XYLT1: variants seen among roughly 807,000 people sequenced by gnomAD.
XYLT1 encodes xylosyltransferase 1.
XYLT1 carries 36 observed loss-of-function variants against 91.3 expected under a neutral mutation model. The ratio of observed to expected loss-of-function variants is 0.39; its 90% CI spans 0.30 to 0.52. The LOEUF is 0.52. Ranked by LOEUF, XYLT1 falls within the 20% of genes least tolerant of loss-of-function variation. XYLT1 has a pLI of 0.68. For missense variants in XYLT1, 1,242 were observed against 1,284.5 expected (o/e 0.97, Z 0.51); for synonymous variants, 588 against 532.0 (o/e 1.11, Z -1.45).
chr16:17,275,261 G>C (rs951652646), intron 2 of XYLT1, among the ~76,000 whole-genome samples: 2 of 152,194 alleles, frequency 1.3e-5, no homozygotes, highest in African/African-American at 4.8e-5. Context: ...TTTCACAGGT[G>C]AAAGTATGGA....
At chr16:17,143,141 G>A (rs1241479235) in intron 6 of XYLT1, among the ~76,000 whole-genome samples, 1 of 152,178 alleles carries the variant, frequency 6.6e-6, no homozygotes, top group Non-Finnish European at 1.5e-5. Flanking sequence ...TGTTGGGAGG[G>A]TGGACAGAGC....
rs114150066 is a variant in XYLT1 at position 17,142,113 on chromosome 16, C to A, written c.1371-744G>T. ...GTAGAGATGGGATCTTACTATGTTGCCTAGACTGGTCTTGAACTTCTGGCT... is the reference window on the plus strand; with the variant it reads ...GTAGAGATGGGATCTTACTATGTTGACTAGACTGGTCTTGAACTTCTGGCT... On this transcript the variant is annotated intron_variant, in intron 6 of 11. Coordinates refer to ENST00000261381, the MANE Select transcript of XYLT1 (RefSeq NM_022166.4). Among the ~76,000 whole-genome samples the A allele has an allele frequency of 1.4e-3, 207 of 152,202 alleles. 1 individual carries two copies. The highest frequency in any genetic ancestry group is 4.8e-3 in the African/African-American group (199 of 41,520).
intron 5 of XYLT1, among the ~76,000 whole-genome samples, chr16:17,161,831 T>C (rs1468297790): frequency 6.6e-6 from 1 of 152,120 alleles, no homozygotes; most frequent in South Asian, 2.1e-4. Context: ...AGAAATCATG[T>C]CTCTTGGTCT....
At chr16:17,369,913 T>A (rs1327229563) in intron 1 of XYLT1, among the ~76,000 whole-genome samples, 1 of 152,154 alleles carries the variant, frequency 6.6e-6, no homozygotes, top group East Asian at 1.9e-4. Flanking sequence ...ACAACAGAGT[T>A]GGCCCGAGGA....
chr16:17,470,725 C>G lies in XYLT1; in HGVS notation c.72G>C (p.Val24=), dbSNP rs753722258. Residue 24 remains valine, a synonymous_variant, in exon 1 of 12, where the codon GTG becomes GTC. Coordinates refer to ENST00000261381, the MANE Select transcript of XYLT1 (RefSeq NM_022166.4). ...SHSALLAALT[V]LLLQTLVVWN... is the part of the protein sequence containing the mutation. ...ACACGACCAGCGTCTGCAGCAGCAG[C>G]ACCGTGAGCGCCGCGAGCAGCGCCG... 7.0e-6 allele frequency: 8 copies of G among 1,150,970 alleles called. No homozygotes were observed. The East Asian group carries it at 5.6e-4, about 81-fold the overall frequency. 71.3% of individuals were successfully genotyped at this position (1,150,970 alleles called of 1,614,324 possible).
chr16:17,147,372 C>T (rs1433937897), intron 6 of XYLT1, among the ~76,000 whole-genome samples: 1 of 152,172 alleles, frequency 6.6e-6, no homozygotes, highest in Non-Finnish European at 1.5e-5. Context: ...AGAAGAAATA[C>T]AGGTGAGAGG....
intron 1 of XYLT1, among the ~76,000 whole-genome samples, chr16:17,361,866 A>C (rs2035386238): frequency 6.6e-6 from 1 of 152,244 alleles, no homozygotes; most frequent in African/African-American, 2.4e-5. Context: ...GAATACTAGC[A>C]ATAAATGACA....
intron 3 of XYLT1, among the ~76,000 whole-genome samples, chr16:17,223,898 T>C (rs1356622507): frequency 3.3e-5 from 5 of 152,224 alleles, no homozygotes; most frequent in Non-Finnish European, 4.4e-5. Context: ...GTTATCTGAT[T>C]AGACAGTTTG....
chr16:17,250,073 G>A (rs562976294), intron 3 of XYLT1: 18 of 152,352 alleles, frequency 1.2e-4, no homozygotes, highest in Non-Finnish European at 2.2e-4. Context: ...ACATTAGATT[G>A]CAGATGTGGC....
intron 1 of XYLT1, among the ~76,000 whole-genome samples, chr16:17,425,302 A>T (rs1185368988): frequency 6.6e-6 from 1 of 152,070 alleles, no homozygotes; most frequent in African/African-American, 2.4e-5. Context: ...TGGCATTTAG[A>T]TGCATTGTAG....
intron 10 of XYLT1, among the ~76,000 whole-genome samples, chr16:17,120,183 C>G (rs1348996012): frequency 2.0e-5 from 3 of 152,206 alleles, no homozygotes; most frequent in Admixed American, 6.5e-5. Flanking sequence ...TAAAAGGATA[C>G]TATTTATTGA....
At chr16:17,353,877 G>A (rs928021552) in intron 2 of XYLT1, among the ~76,000 whole-genome samples, 21 of 152,214 alleles carry the variant, frequency 1.4e-4, no homozygotes, top group African/African-American at 5.1e-4. Flanking sequence ...ATGCAACCCT[G>A]AGTCTAATGT....
At chr16:17,436,563 A>G (rs1352029508) in intron 1 of XYLT1, among the ~76,000 whole-genome samples, 1 of 152,254 alleles carries the variant, frequency 6.6e-6, no homozygotes, top group African/African-American at 2.4e-5. Flanking sequence ...AATCACATTC[A>G]GCTTTTAAGC....
At chr16:17,330,104 T>TACACACACACACAC (rs35148093) in intron 2 of XYLT1, among the ~76,000 whole-genome samples, 13,100 of 144,384 alleles carry the variant, frequency 0.091, 827 homozygotes, top group Admixed American at 0.18. Context: ...TGGAGGTAGA[T>TACACACACACACAC]ACACACACAC....
chr16:17,299,470 T>C (rs1567362921), intron 2 of XYLT1, among the ~76,000 whole-genome samples: 2 of 152,228 alleles, frequency 1.3e-5, no homozygotes, highest in African/African-American at 4.8e-5. Flanking sequence ...CCAAACACCA[T>C]TGAGTTTAAT....
chr16:17,187,816 A>G (rs2032219768), intron 5 of XYLT1, among the ~76,000 whole-genome samples: 1 of 151,950 alleles, frequency 6.6e-6, no homozygotes, highest in Non-Finnish European at 1.5e-5. Context: ...AAAGACAAAG[A>G]GGGGTCTCCA....
At chr16:17,194,753 G>A (rs2032390712) in intron 5 of XYLT1, among the ~76,000 whole-genome samples, 1 of 152,328 alleles carries the variant, frequency 6.6e-6, no homozygotes, top group African/African-American at 2.4e-5. Context: ...GACGAAACTG[G>A]TTCTAATCCC....
At chr16:17,235,868 T>C (rs1440564940) in intron 3 of XYLT1, among the ~76,000 whole-genome samples, 7 of 151,942 alleles carry the variant, frequency 4.6e-5, no homozygotes, top group Admixed American at 4.6e-4. Context: ...TTAATCATTG[T>C]TATTATTATT....
At chr16:17,328,732 C>G (rs2034852529) in intron 2 of XYLT1, among the ~76,000 whole-genome samples, 1 of 152,022 alleles carries the variant, frequency 6.6e-6, no homozygotes, top group African/African-American at 2.4e-5. Context: ...GTGCTTTTAG[C>G]AGAATCTAAA....
Sources: allele counts gnomAD v4.1 joint callset (sites outside exome capture counted in the v4.1 genomes callset), GRCh38; gene constraint gnomAD v4.1.1; transcripts MANE v1.5; gene names NCBI Gene and HGNC (gene_info 2026-07-23, HGNC 2026-07-21).